Variants in RELL1 observed in about 807,000 individuals in gnomAD.
RELL1 encodes RELT-like protein 1.
RELL1 carries 10 observed loss-of-function variants against 23.0 expected under a neutral mutation model. The observed-to-expected ratio is 0.43, with a 90% confidence interval of 0.27 to 0.74. The LOEUF (loss-of-function observed/expected upper bound fraction) is 0.74, where lower values mean the gene tolerates loss of function less well. Among genes scored for constraint, RELL1 ranks in the 30% least tolerant of loss-of-function variants. The pLI is 0.19. For missense variants in RELL1, 315 were observed against 364.4 expected (o/e 0.86, Z 1.10); for synonymous variants, 146 against 146.8 (o/e 0.99, Z 0.04).
chr4:37,596,369 G>A (rs552383060), intron 6 of RELL1, among the ~76,000 whole-genome samples: 1 of 152,016 alleles, frequency 6.6e-6, no homozygotes, highest in South Asian at 2.1e-4. Context: ...CTTGAGTGGG[G>A]TCCTGGCATC....
Position 37,613,340 on chromosome 4 carries a change from T to C in RELL1, c.*6A>G, listed in dbSNP as rs1719471677. ...TCTTAGAGCTCTTCAAGTCAAGTCATTGCTGCAAGAGAAAACAAAAAATGT... is the reference window on the plus strand; with the variant it reads ...TCTTAGAGCTCTTCAAGTCAAGTCACTGCTGCAAGAGAAAACAAAAAATGT... On this transcript the variant is annotated splice_region_variant and 3_prime_UTR_variant, in exon 7 of 7. Transcript: ENST00000454158. 1 of 152,164 alleles carries C rather than the reference T, an allele frequency of 6.6e-6. No homozygotes were observed. The allele number at this position is 152,164 out of a possible 1,614,324, so 9.4% of individuals were successfully genotyped here. A position where few individuals can be genotyped will look rare whatever the true frequency, so the allele number is the denominator to read the frequency against.
intron 6 of RELL1, among the ~76,000 whole-genome samples, chr4:37,619,281 C>G (rs776766696): frequency 6.6e-6 from 1 of 151,996 alleles, no homozygotes; most frequent in Admixed American, 6.6e-5. Flanking sequence ...CTCCCAAGTT[C>G]GAGCGATTCT....
intron 6 of RELL1, chr4:37,622,864 G>T (rs1232305601): frequency 2.2e-6 from 1 of 449,378 alleles, no homozygotes. Context: ...AAGTGCAGTG[G>T]CATGATCTCG....
chr4:37,667,889 TAG>T (rs1472682218), intron 1 of RELL1, among the ~76,000 whole-genome samples: 1 of 151,930 alleles, frequency 6.6e-6, no homozygotes, highest in Admixed American at 6.6e-5. Context: ...CTTAAAACAA[TAG>T]AAACACTTTG....
At chr4:37,650,632 G>A (rs1171928198) in intron 1 of RELL1, among the ~76,000 whole-genome samples, 1 of 152,106 alleles carries the variant, frequency 6.6e-6, no homozygotes, top group Admixed American at 6.6e-5. Flanking sequence ...ATCTTTTGGA[G>A]AAAAGGGAAG....
At chr4:37,670,599 C>T (rs1345191146) in intron 1 of RELL1, among the ~76,000 whole-genome samples, 3 of 147,076 alleles carry the variant, frequency 2.0e-5, no homozygotes, top group African/African-American at 7.7e-5. Context: ...GAGATGGAGT[C>T]TCACTCTGTG....
chr4:37,660,798 A>G (rs569668699), intron 1 of RELL1, among the ~76,000 whole-genome samples: 123 of 152,270 alleles, frequency 8.1e-4, no homozygotes, highest in East Asian at 2.3e-3. Flanking sequence ...TTGGGAGGCC[A>G]AGGCGGGCAG....
At position 37,597,451 on chromosome 4, in the gene RELL1, C is replaced by T. The variant is rs566712551; in HGVS notation, c.*4-6234G>A. Among the ~76,000 whole-genome samples, 375 of 152,254 alleles carry T rather than the reference C, an allele frequency of 2.5e-3. 1 individual carries two copies. The highest frequency in any genetic ancestry group is 8.6e-3 in the African/African-American group (359 of 41,526). On this transcript the variant is annotated intron_variant, in intron 6 of 6. Coordinates refer to the RELL1 transcript ENST00000314117. ...TAAGTTACCAACTTAAAATCCCACA[C>T]AAAAAAATCCATTTCTAGGTCCAAC...
At chr4:37,623,748 T>C (rs1719847235) in intron 6 of RELL1, among the ~76,000 whole-genome samples, 1 of 152,216 alleles carries the variant, frequency 6.6e-6, no homozygotes, top group South Asian at 2.1e-4. Context: ...TTGAGAAATG[T>C]GTTTAGCAAC....
At chr4:37,627,721 A>C (rs1183155414) in intron 6 of RELL1, among the ~76,000 whole-genome samples, 1 of 152,270 alleles carries the variant, frequency 6.6e-6, no homozygotes, top group East Asian at 1.9e-4. Context: ...AAACCTAACC[A>C]ATAAGTGGAT....
chr4:37,656,746 T>C (rs1189597815), intron 1 of RELL1, among the ~76,000 whole-genome samples: 1 of 152,212 alleles, frequency 6.6e-6, no homozygotes, highest in East Asian at 1.9e-4. Context: ...TGGATTGTTA[T>C]AAAAGCGAGT....
chr4:37,600,034 C>G (rs903253273), intron 6 of RELL1, among the ~76,000 whole-genome samples: 21 of 152,216 alleles, frequency 1.4e-4, no homozygotes, highest in Non-Finnish European at 2.8e-4. Context: ...CTCCGGGAGG[C>G]CGAGGCAGGC....
chr4:37,629,359 C>G (rs1469513841), intron 6 of RELL1, among the ~76,000 whole-genome samples: 1 of 152,200 alleles, frequency 6.6e-6, no homozygotes, highest in African/African-American at 2.4e-5. Flanking sequence ...TCACCTTTCC[C>G]ATTCATCAGT....
intron 2 of RELL1, among the ~76,000 whole-genome samples, chr4:37,647,746 C>G (rs1346555299): frequency 6.6e-6 from 1 of 152,118 alleles, no homozygotes; most frequent in Admixed American, 6.5e-5. Flanking sequence ...TTTCTTAAAG[C>G]CTTATGAGAA....
chr4:37,587,400 A>G (rs919591766), downstream of RELL1, among the ~76,000 whole-genome samples: 9 of 152,122 alleles, frequency 5.9e-5, no homozygotes, highest in Non-Finnish European at 8.8e-5. Context: ...AGCCTACCAT[A>G]GGGAGTTATT....
intron 1 of RELL1, among the ~76,000 whole-genome samples, chr4:37,655,365 G>A (rs893248087): frequency 4.6e-5 from 7 of 152,118 alleles, no homozygotes; most frequent in Admixed American, 1.3e-4. Flanking sequence ...TTTGGAGATA[G>A]GATCTTTACA....
At chr4:37,602,006 G>C (rs1169813526) in intron 6 of RELL1, among the ~76,000 whole-genome samples, 1 of 152,008 alleles carries the variant, frequency 6.6e-6, no homozygotes, top group Non-Finnish European at 1.5e-5. Flanking sequence ...TTGAGCTCAG[G>C]AGTTCGAGAC....
At chr4:37,673,156 C>G (rs1721893248) in intron 1 of RELL1, among the ~76,000 whole-genome samples, 1 of 148,710 alleles carries the variant, frequency 6.7e-6, no homozygotes, top group Non-Finnish European at 1.5e-5. Flanking sequence ...TTCACACCAC[C>G]AAGCCATCAA....
chr4:37,685,938 C>G (rs6531574), intron 1 of RELL1, among the ~76,000 whole-genome samples: 148,940 of 152,258 alleles, frequency 0.98, 72,912 homozygotes, highest in East Asian at 1. Flanking sequence ...CACTGCCCAG[C>G]GCTGGGGAAC....
Sources: gnomAD v4.1 joint callset for allele counts (sites outside exome capture counted in the v4.1 genomes callset) on GRCh38, gnomAD v4.1.1 for gene constraint, MANE v1.5 for transcripts, NCBI Gene and HGNC (gene_info 2026-07-23, HGNC 2026-07-21) for gene names.